Variants in EFCAB3 observed in about 807,000 individuals in gnomAD.
The protein encoded by EFCAB3 is EF-hand calcium binding domain 3.
Under a neutral mutation model 42.2 loss-of-function variants are expected in EFCAB3, and 36 were observed. The ratio of observed to expected loss-of-function variants is 0.85; its 90% CI spans 0.65 to 1.13. The LOEUF (loss-of-function observed/expected upper bound fraction) is 1.13, where lower values mean the gene tolerates loss of function less well. EFCAB3 is among the 50% of genes most tolerant of loss of function. The probability of loss-of-function intolerance (pLI) is 0.00; values close to 1 mark genes in which losing one functional copy is unlikely to be tolerated. For synonymous variants in EFCAB3, 170 were observed against 172.8 expected, an observed-to-expected ratio of 0.98 and a Z score of 0.13; for missense variants, 418 against 505.1, an observed-to-expected ratio of 0.83 and a Z score of 1.65.
chr17:62,387,277 A>G, intron 2 of EFCAB3, 63 bp from the exon 3 acceptor site: 1 of 1,291,774 alleles, frequency 7.7e-7, no homozygotes, highest in Non-Finnish European at 1.1e-6. Context: ...ACTGATGAGT[A>G]AGACTAATAT....
intron 1 of EFCAB3, among the ~76,000 whole-genome samples, chr17:62,370,647 ACT>A (rs1411337847): frequency 6.6e-6 from 1 of 150,484 alleles, no homozygotes; most frequent in East Asian, 2.0e-4. Context: ...CAAGAGCGAA[ACT>A]CTGTCTCAAA....
intron 3 of EFCAB3, among the ~76,000 whole-genome samples, chr17:62,388,109 C>G (rs189788214): frequency 6.6e-6 from 1 of 151,984 alleles, no homozygotes; most frequent in African/African-American, 2.4e-5. Flanking sequence ...ATTTGGGAGG[C>G]TGAGGCAGGG....
chr17:62,377,407 T>C (rs1460158981), upstream of EFCAB3, among the ~76,000 whole-genome samples: 1 of 152,100 alleles, frequency 6.6e-6, no homozygotes, highest in Non-Finnish European at 1.5e-5. Context: ...TCCTCATGCT[T>C]AGAAAACAAA....
chr17:62,416,423 A>T lies in EFCAB3; in HGVS notation c.*94A>T, dbSNP rs2070550200. 2 of 1,116,588 alleles carry T rather than the reference A, an allele frequency of 1.8e-6. No homozygotes were observed. Among genetic ancestry groups the T allele is most frequent in the Non-Finnish European group, 2.5e-6 (2 of 807,754 alleles). The allele number at this position is 1,116,588 out of a possible 1,614,324, so 69.2% of individuals were successfully genotyped here. A position where few individuals can be genotyped will look rare whatever the true frequency, so the allele number is the denominator to read the frequency against. On this transcript the variant is annotated 3_prime_UTR_variant, in exon 10 of 10. Transcript: ENST00000305286. ...GCTTTTGTCTAAGTACATTCTTAGA[A>T]GCTGGAAATTTTGACATCTTTTGGA...
intron 6 of EFCAB3, among the ~76,000 whole-genome samples, 199 bp from the exon 7 acceptor site, chr17:62,406,277 TATAA>T (rs1291442919): frequency 2.0e-5 from 3 of 152,258 alleles, no homozygotes; most frequent in East Asian, 3.9e-4. Flanking sequence ...GGAATACAGA[TATAA>T]ATAGTCAAAT....
intron 6 of EFCAB3, among the ~76,000 whole-genome samples, chr17:62,402,532 C>A (rs1721783806): frequency 6.6e-6 from 1 of 152,132 alleles, no homozygotes; most frequent in Admixed American, 6.5e-5. Flanking sequence ...GCCTTTTCTG[C>A]ATCTATTGAG....
At chr17:62,385,451 A>G (rs1395585431) in intron 2 of EFCAB3, among the ~76,000 whole-genome samples, 1 of 152,120 alleles carries the variant, frequency 6.6e-6, no homozygotes, top group Non-Finnish European at 1.5e-5. Flanking sequence ...TGAAAGAATG[A>G]GAGAAAGAGA....
intron 8 of EFCAB3, 99 bp downstream of exon 8, chr17:62,407,311 C>T: frequency 8.9e-7 from 1 of 1,120,652 alleles, no homozygotes; most frequent in South Asian, 2.5e-5. Flanking sequence ...TAGTTTTAGT[C>T]ATTATTTTCA....
chr17:62,384,456 G>C (rs972479015), intron 2 of EFCAB3, among the ~76,000 whole-genome samples: 1 of 152,058 alleles, frequency 6.6e-6, no homozygotes, highest in Non-Finnish European at 1.5e-5. Flanking sequence ...TACCAAAAAA[G>C]ATACAAAAAT....
intron 2 of EFCAB3, among the ~76,000 whole-genome samples, chr17:62,387,081 C>G (rs1255685621): frequency 3.3e-5 from 5 of 152,164 alleles, no homozygotes; most frequent in Admixed American, 3.3e-4. Context: ...TATGAGCCAC[C>G]ATGGCTGGCC....
intron 1 of EFCAB3, among the ~76,000 whole-genome samples, chr17:62,381,504 G>A (rs1290537964): frequency 2.6e-5 from 4 of 152,062 alleles, no homozygotes; most frequent in African/African-American, 7.2e-5. Context: ...GTGGAAAGGC[G>A]ACGGTAATTC....
chr17:62,387,537 G>GA (rs148522055), intron 3 of EFCAB3, 121 bp downstream of exon 3: 89 of 773,482 alleles, frequency 1.2e-4, no homozygotes, highest in South Asian at 1.4e-4. Context: ...TGAGAGAAAG[G>GA]AAAAAAAACC....
At chr17:62,375,508 A>G (rs2070143278) in intron 2 of EFCAB3, among the ~76,000 whole-genome samples, 1 of 152,228 alleles carries the variant, frequency 6.6e-6, no homozygotes, top group Admixed American at 6.5e-5. Flanking sequence ...CCAAAAGATA[A>G]AGCAAGGTTC....
chr17:62,400,336 G>A (rs867158919), intron 6 of EFCAB3, among the ~76,000 whole-genome samples: 1 of 151,776 alleles, frequency 6.6e-6, no homozygotes, highest in Non-Finnish European at 1.5e-5. Context: ...CCATTAACTC[G>A]TCATTTACAT....
chr17:62,374,261 G>T (rs1448595511), intron 2 of EFCAB3, among the ~76,000 whole-genome samples: 1 of 152,178 alleles, frequency 6.6e-6, no homozygotes, highest in Non-Finnish European at 1.5e-5. Context: ...AGGAGTTTGA[G>T]ACCAGCCTGA....
intron 3 of EFCAB3, 117 bp downstream of exon 3, chr17:62,387,533 A>G: frequency 2.5e-6 from 2 of 806,062 alleles, no homozygotes; most frequent in Non-Finnish European, 3.7e-6. Context: ...CATTTGAGAG[A>G]AAGGAAAAAA....
At chr17:62,385,136 G>C (rs549432028) in intron 2 of EFCAB3, among the ~76,000 whole-genome samples, 16 of 152,220 alleles carry the variant, frequency 1.1e-4, no homozygotes, top group African/African-American at 3.9e-4. Context: ...TCTGAATAAG[G>C]ACAAACCTGA....
intron 9 of EFCAB3, among the ~76,000 whole-genome samples, chr17:62,414,282 T>C (rs1478859269): frequency 6.6e-6 from 1 of 152,232 alleles, no homozygotes; most frequent in Non-Finnish European, 1.5e-5. Context: ...TTGATATTAA[T>C]ACATTGGAAA....
chr17:62,388,296 T>C (rs555162969), intron 3 of EFCAB3, among the ~76,000 whole-genome samples: 1 of 152,192 alleles, frequency 6.6e-6, no homozygotes, highest in African/African-American at 2.4e-5. Flanking sequence ...TGGAGTGTTA[T>C]AGGAGCTTAA....
Sources: gnomAD v4.1 joint callset for allele counts (sites outside exome capture counted in the v4.1 genomes callset) on GRCh38, gnomAD v4.1.1 for gene constraint, MANE v1.5 for transcripts, NCBI Gene and HGNC (gene_info 2026-07-23, HGNC 2026-07-21) for gene names.